The following PTPRD variants were observed in gnomAD, a reference collection of about 807,000 sequenced individuals.
PTPRD encodes receptor-type tyrosine-protein phosphatase delta.
PTPRD carries 34 observed loss-of-function variants against 214.5 expected under a neutral mutation model. The observed-to-expected ratio is 0.16, with a 90% CI of 0.12 to 0.21. The LOEUF (loss-of-function observed/expected upper bound fraction) is 0.21, where lower values mean the gene tolerates loss of function less well. Among genes scored for constraint, PTPRD ranks in the 10% least tolerant of loss-of-function variants. The pLI, the probability that PTPRD is intolerant of heterozygous loss-of-function variation, is 1.00. For missense variants in PTPRD, 2,545 were observed against 2,398.7 expected (o/e 1.06, Z -1.27); for synonymous variants, 1,128 against 845.7 (o/e 1.33, Z -5.79).
chr9:10,084,360 A>G (rs1238659258), intron 3 of PTPRD, among the ~76,000 whole-genome samples: 1 of 151,964 alleles, frequency 6.6e-6, no homozygotes, highest in East Asian at 1.9e-4. Flanking sequence ...GAGGTACGCC[A>G]AACTGTATAT....
rs777637620 is a variant in PTPRD at position 8,528,796 on chromosome 9, G to C, written c.353-17C>G. On this transcript the variant is annotated splice_polypyrimidine_tract_variant and intron_variant, in intron 14 of 45. Coordinates refer to ENST00000381196, the MANE Select transcript of PTPRD (RefSeq NM_002839.4). ...TTTGATCTTCTGCAAGACAAAAGGT[G>C]ATAGAAACATTCAGTTAATAAGTCA... is the stretch of plus-strand genomic sequence containing the variant. The C allele has an allele frequency of 4.3e-6, 7 of 1,611,036 alleles. No individual in the cohort carries two copies. Among genetic ancestry groups the C allele is most frequent in the Non-Finnish European group, 2.5e-6 (3 of 1,177,950 alleles).
At chr9:9,522,434 C>T (rs79291327) in intron 8 of PTPRD, among the ~76,000 whole-genome samples, 205 of 152,062 alleles carry the variant, frequency 1.3e-3, no homozygotes, top group African/African-American at 4.5e-3. Flanking sequence ...CCAGATAGAA[C>T]GAAAACAAGT....
chr9:8,728,019 G>A (rs1350796487), intron 12 of PTPRD, among the ~76,000 whole-genome samples: 6 of 152,078 alleles, frequency 3.9e-5, no homozygotes, highest in African/African-American at 4.8e-5. Context: ...AGGCCACGGC[G>A]GGCGGATCAC....
At chr9:10,345,034 C>A (rs959677832) in intron 2 of PTPRD, among the ~76,000 whole-genome samples, 2 of 152,078 alleles carry the variant, frequency 1.3e-5, no homozygotes, top group South Asian at 2.1e-4. Context: ...TTCTCCCCAT[C>A]ATAGAATGGA....
At chr9:8,558,128 C>A (rs894980141) in intron 14 of PTPRD, among the ~76,000 whole-genome samples, 1 of 152,120 alleles carries the variant, frequency 6.6e-6, no homozygotes. Context: ...TACAGAGAGA[C>A]GGACAAAGCA....
At chr9:10,371,845 C>G (rs932273609) in intron 2 of PTPRD, among the ~76,000 whole-genome samples, 9 of 152,052 alleles carry the variant, frequency 5.9e-5, no homozygotes, top group Non-Finnish European at 1.3e-4. Context: ...AATTACATAC[C>G]TACTGCCTTG....
At chr9:9,346,901 C>CT (rs1465283545) in intron 9 of PTPRD, among the ~76,000 whole-genome samples, 1 of 152,062 alleles carries the variant, frequency 6.6e-6, no homozygotes, top group Non-Finnish European at 1.5e-5. Flanking sequence ...CCATGTTGGC[C>CT]AGGCTGGTCT....
At chr9:10,275,934 T>C (rs747230050) in intron 3 of PTPRD, among the ~76,000 whole-genome samples, 1 of 152,188 alleles carries the variant, frequency 6.6e-6, no homozygotes, top group African/African-American at 2.4e-5. Context: ...CTTGGGATAA[T>C]TCTGAATGAG....
intron 7 of PTPRD, among the ~76,000 whole-genome samples, chr9:9,583,724 T>C (rs570396339): frequency 6.6e-6 from 1 of 152,182 alleles, no homozygotes; most frequent in South Asian, 2.1e-4. Context: ...AAATTCATGG[T>C]AACTATGGCA....
intron 2 of PTPRD, among the ~76,000 whole-genome samples, chr9:10,534,988 G>A (rs761963380): frequency 1.3e-5 from 2 of 152,118 alleles, no homozygotes; most frequent in East Asian, 1.9e-4. Flanking sequence ...GCCTTTTATC[G>A]CTGTAAAACC....
chr9:8,414,966 A>G (rs1012864257), intron 35 of PTPRD, among the ~76,000 whole-genome samples: 22 of 149,722 alleles, frequency 1.5e-4, no homozygotes, highest in African/African-American at 5.5e-4. Context: ...AGAGAGAGAG[A>G]GAGAGAGACA....
intron 5 of PTPRD, among the ~76,000 whole-genome samples, chr9:9,893,189 C>T (rs564695920): frequency 6.6e-6 from 1 of 152,042 alleles, no homozygotes; most frequent in Non-Finnish European, 1.5e-5. Flanking sequence ...AGTACACAGA[C>T]TAGTGACACT....
chr9:10,580,398 A>G (rs1339708521), intron 2 of PTPRD, among the ~76,000 whole-genome samples: 1 of 152,192 alleles, frequency 6.6e-6, no homozygotes, highest in Non-Finnish European at 1.5e-5. Flanking sequence ...CCTTAATGTA[A>G]AGTATAAGTC....
intron 5 of PTPRD, among the ~76,000 whole-genome samples, chr9:9,881,138 A>T (rs1038586851): frequency 1.8e-4 from 27 of 152,250 alleles, no homozygotes; most frequent in South Asian, 6.2e-4. Flanking sequence ...TAATTTTTTT[A>T]AAAAAATAAA....
At chr9:9,203,600 A>G (rs2099943149) in intron 9 of PTPRD, among the ~76,000 whole-genome samples, 2 of 152,160 alleles carry the variant, frequency 1.3e-5, no homozygotes, top group South Asian at 4.1e-4. Flanking sequence ...TCAGGAAGCC[A>G]TCCTACCATT....
intron 11 of PTPRD, among the ~76,000 whole-genome samples, chr9:8,758,268 A>G (rs1160644754): frequency 2.0e-5 from 3 of 152,174 alleles, no homozygotes; most frequent in Admixed American, 1.3e-4. Context: ...GTGACTCCTC[A>G]ATTCTCCTGA....
intron 14 of PTPRD, among the ~76,000 whole-genome samples, chr9:8,559,330 A>G (rs1397963096): frequency 6.6e-6 from 1 of 152,244 alleles, no homozygotes; most frequent in East Asian, 1.9e-4. Flanking sequence ...TTTATTGTAC[A>G]TTATATACAG....
intron 5 of PTPRD, among the ~76,000 whole-genome samples, chr9:9,927,478 C>T (rs1053603582): frequency 2.5e-4 from 38 of 152,104 alleles, no homozygotes; most frequent in African/African-American, 8.9e-4. Context: ...TCAAATTCAG[C>T]TTTCCTCAAG....
chr9:9,971,225 G>A (rs1411873275), intron 4 of PTPRD, among the ~76,000 whole-genome samples: 1 of 152,126 alleles, frequency 6.6e-6, no homozygotes, highest in South Asian at 2.1e-4. Context: ...TTCCTTTTAA[G>A]TAGTAATTCT....
Sources: allele counts gnomAD v4.1 joint callset (sites outside exome capture counted in the v4.1 genomes callset), GRCh38; gene constraint gnomAD v4.1.1; transcripts MANE v1.5; gene names NCBI Gene and HGNC (gene_info 2026-07-23, HGNC 2026-07-21).